Variants in CDC42BPA observed in about 807,000 individuals in gnomAD.
The protein encoded by CDC42BPA is serine/threonine-protein kinase MRCK alpha.
A neutral mutation model predicts 223.5 loss-of-function variants in CDC42BPA; 80 were observed. That is an observed-to-expected ratio of 0.36 (90% CI 0.30 to 0.43). The LOEUF (loss-of-function observed/expected upper bound fraction) is 0.43, where lower values mean the gene tolerates loss of function less well. Ranked by LOEUF, CDC42BPA falls within the 20% of genes least tolerant of loss-of-function variation. CDC42BPA has a pLI of 1.00. For synonymous variants in CDC42BPA, 694 were observed against 718.6 expected (o/e 0.97, Z 0.55); for missense variants, 1,743 against 2,099.9 (o/e 0.83, Z 3.32).
intron 7 of CDC42BPA, among the ~76,000 whole-genome samples, chr1:227,146,485 G>A (rs569953642): frequency 6.6e-4 from 100 of 152,086 alleles, no homozygotes; most frequent in African/African-American, 2.3e-3. Flanking sequence ...TACATGTAAA[G>A]CAACTAATCA....
In CDC42BPA at chr1:227,287,540, T is replaced by C. The variant is rs1311984497; in HGVS notation, c.178+29465A>G. On this transcript the variant is annotated intron_variant, in intron 1 of 36. Coordinates refer to ENST00000366766, the MANE Select transcript of CDC42BPA (RefSeq NM_001394014.1). ...GTAAAGTTTTAACAAAGTTAGAATTTTGATTTTAGAATTCAATGGAAAGCA... is the reference window on the plus strand; with the variant it reads ...GTAAAGTTTTAACAAAGTTAGAATTCTGATTTTAGAATTCAATGGAAAGCA... Among the ~76,000 whole-genome samples the C allele has an allele frequency of 2.6e-5, 4 of 152,214 alleles. No homozygotes were observed. In the East Asian group the frequency reaches 5.8e-4, roughly 22 times the overall value.
intron 3 of CDC42BPA, among the ~76,000 whole-genome samples, chr1:227,207,626 T>G (rs183468635): frequency 1.7e-4 from 26 of 151,402 alleles, no homozygotes; most frequent in Admixed American, 1.5e-3. Flanking sequence ...TTTGGTTTTT[T>G]GTTCTTGCGA....
intron 1 of CDC42BPA, among the ~76,000 whole-genome samples, chr1:227,275,484 C>T (rs956031291): frequency 6.6e-6 from 1 of 151,846 alleles, no homozygotes; most frequent in Non-Finnish European, 1.5e-5. Flanking sequence ...TAGAGAAAAT[C>T]AACATTACCA....
At chr1:227,254,293 A>G (rs1024902709) in intron 1 of CDC42BPA, 138 bp from the exon 2 acceptor site, 1 of 540,054 alleles carries the variant, frequency 1.9e-6, no homozygotes, top group Admixed American at 3.9e-5. Context: ...ATCCCAAACT[A>G]TATGAGAATA....
At chr1:227,315,591 TAACAC>T (rs889368655) in intron 1 of CDC42BPA, among the ~76,000 whole-genome samples, 1 of 130,226 alleles carries the variant, frequency 7.7e-6, no homozygotes, top group African/African-American at 2.8e-5. Context: ...AAAAAAAAAT[TAACAC>T]TACAGAATTT....
intron 23 of CDC42BPA, among the ~76,000 whole-genome samples, chr1:227,040,936 A>T (rs530752067): frequency 6.6e-6 from 1 of 152,322 alleles, no homozygotes; most frequent in Non-Finnish European, 1.5e-5. Context: ...TAATTCTCTT[A>T]GCATGTTTTA....
At chr1:227,045,533 C>T (rs1361538692) in intron 23 of CDC42BPA, among the ~76,000 whole-genome samples, 2 of 152,140 alleles carry the variant, frequency 1.3e-5, no homozygotes, top group Non-Finnish European at 2.9e-5. Flanking sequence ...AAGTCTTTTA[C>T]TTACTTGATA....
chr1:227,294,197 G>A (rs184162895), intron 1 of CDC42BPA, among the ~76,000 whole-genome samples: 6 of 151,898 alleles, frequency 4.0e-5, no homozygotes, highest in East Asian at 3.9e-4. Flanking sequence ...GCATGAACCC[G>A]GGAGGCAGAG....
At chr1:227,032,869 C>A (rs1164194469) in intron 27 of CDC42BPA, among the ~76,000 whole-genome samples, 1 of 152,144 alleles carries the variant, frequency 6.6e-6, no homozygotes, top group Non-Finnish European at 1.5e-5. Context: ...GTGACACTAG[C>A]GGACACCACA....
intron 17 of CDC42BPA, 44 bp downstream of exon 17, chr1:227,080,849 A>C: frequency 6.2e-7 from 1 of 1,609,388 alleles, no homozygotes. Flanking sequence ...ACTTGGCCAC[A>C]TACTCACAAT....
At chr1:227,243,893 T>C (rs2148144015) in intron 2 of CDC42BPA, among the ~76,000 whole-genome samples, 1 of 152,000 alleles carries the variant, frequency 6.6e-6, no homozygotes, top group Admixed American at 6.6e-5. Flanking sequence ...AAATGTGTAC[T>C]TCATGGAAAG....
intron 5 of CDC42BPA, among the ~76,000 whole-genome samples, chr1:227,182,232 T>C (rs994600684): frequency 1.5e-4 from 23 of 152,220 alleles, no homozygotes; most frequent in South Asian, 1.4e-3. Context: ...TCTTATCCCA[T>C]GATTTGCATA....
At chr1:227,289,293 C>G (rs1287700006) in intron 1 of CDC42BPA, among the ~76,000 whole-genome samples, 2 of 152,214 alleles carry the variant, frequency 1.3e-5, no homozygotes, top group Non-Finnish European at 2.9e-5. Context: ...TTCACTCACT[C>G]TAATCCAGCC....
At chr1:227,079,825 GA>G (rs1383595265) in intron 17 of CDC42BPA, among the ~76,000 whole-genome samples, 3 of 151,570 alleles carry the variant, frequency 2.0e-5, no homozygotes, top group Admixed American at 6.6e-5. Context: ...TCCTTTACAT[GA>G]AATGCTTGAG....
At chr1:227,147,649 T>C in intron 6 of CDC42BPA, 90 bp from the exon 7 acceptor site, 1 of 621,796 alleles carries the variant, frequency 1.6e-6, no homozygotes, top group Non-Finnish European at 2.6e-6. Flanking sequence ...CATTATTATC[T>C]CATAAACACA....
chr1:227,047,003 T>C (rs1572466506), intron 23 of CDC42BPA, among the ~76,000 whole-genome samples: 1 of 152,148 alleles, frequency 6.6e-6, no homozygotes, highest in African/African-American at 2.4e-5. Flanking sequence ...ATTTTTCCTT[T>C]TATTTATAAA....
At chr1:227,196,530 C>T (rs539482448) in intron 4 of CDC42BPA, among the ~76,000 whole-genome samples, 7 of 151,210 alleles carry the variant, frequency 4.6e-5, no homozygotes, top group African/African-American at 1.2e-4. Context: ...TAGTAGAGAC[C>T]GGGTTTCACC....
intron 34 of CDC42BPA, among the ~76,000 whole-genome samples, chr1:227,013,493 T>C (rs1386055494): frequency 1.3e-5 from 2 of 152,096 alleles, no homozygotes; most frequent in Non-Finnish European, 2.9e-5. Context: ...TCTGACATTT[T>C]GGCATCAAGG....
intron 22 of CDC42BPA, among the ~76,000 whole-genome samples, chr1:227,050,983 T>C (rs1055835066): frequency 6.6e-6 from 1 of 152,276 alleles, no homozygotes; most frequent in Middle Eastern, 3.4e-3. Flanking sequence ...TATTTTATCA[T>C]TAAAACAAAA....
Sources: allele counts gnomAD v4.1 joint callset (sites outside exome capture counted in the v4.1 genomes callset), GRCh38; gene constraint gnomAD v4.1.1; transcripts MANE v1.5; gene names NCBI Gene and HGNC (gene_info 2026-07-23, HGNC 2026-07-21).